CDK13: variants seen among roughly 807,000 people sequenced by gnomAD.
The protein encoded by CDK13 is cyclin dependent kinase 13.
In CDK13, 40 loss-of-function variants were observed where a neutral mutation model predicts 137.6. The ratio of observed to expected loss-of-function variants is 0.29; its 90% CI spans 0.23 to 0.38. The LOEUF (loss-of-function observed/expected upper bound fraction) is 0.38. CDK13 is among the 10% of genes least tolerant of loss of function. CDK13 has a pLI of 1.00. For synonymous variants in CDK13, 869 were observed against 760.1 expected, an observed-to-expected ratio of 1.14 and a Z score of -2.36; for missense variants, 1,704 against 1,951.8, an observed-to-expected ratio of 0.87 and a Z score of 2.39.
At chr7:39,982,172 T>G (rs1393971981) in intron 1 of CDK13, among the ~76,000 whole-genome samples, 2 of 110,792 alleles carry the variant, frequency 1.8e-5, no homozygotes, top group East Asian at 3.1e-4. Context: ...CCCCTCCCCC[T>G]ACCCCACAAC....
intron 5 of CDK13, among the ~76,000 whole-genome samples, chr7:40,029,650 CT>C (rs59621828): frequency 0.04 from 5,902 of 146,306 alleles, 330 homozygotes; most frequent in African/African-American, 0.13. Flanking sequence ...AGAAAAGATT[CT>C]TTTTTTTTTT....
At chr7:39,951,906 AG>A in intron 1 of CDK13, 54 bp downstream of exon 1, 1 of 1,316,018 alleles carries the variant, frequency 7.6e-7, no homozygotes, top group Admixed American at 3.0e-5. Flanking sequence ...CCAGATCCCC[AG>A]GAGGAAGGGA....
At chr7:40,012,636 C>T (rs1260956660) in intron 5 of CDK13, among the ~76,000 whole-genome samples, 3 of 151,618 alleles carry the variant, frequency 2.0e-5, no homozygotes, top group Non-Finnish European at 4.4e-5. Flanking sequence ...ATCTGAAGGC[C>T]GGGTGCAGTG....
chr7:40,055,674 G>A (rs567407865), intron 7 of CDK13, among the ~76,000 whole-genome samples: 191 of 151,692 alleles, frequency 1.3e-3, no homozygotes, highest in African/African-American at 4.6e-3. Flanking sequence ...TGCCTCCTGG[G>A]TTCAAGCAAT....
intron 9 of CDK13, chr7:40,070,504 C>T (rs1344495634): frequency 6.6e-6 from 1 of 151,602 alleles, no homozygotes; most frequent in Non-Finnish European, 1.5e-5. Flanking sequence ...TACTTGAAGT[C>T]AGGAGTTTGA....
chr7:39,999,083 A>G, intron 3 of CDK13: 1 of 228,862 alleles, frequency 4.4e-6, no homozygotes, highest in Non-Finnish European at 8.4e-6. Flanking sequence ...ATTATATTTT[A>G]TTTCTGAAAA....
chr7:40,066,951 A>T (rs1221497585), intron 9 of CDK13: 4 of 145,978 alleles, frequency 2.7e-5, no homozygotes, highest in Non-Finnish European at 4.6e-5. Flanking sequence ...CTTCTAACCC[A>T]TTTTTTTTTT....
chr7:39,959,951 CTG>C (rs891335916), intron 1 of CDK13, among the ~76,000 whole-genome samples: 3 of 150,628 alleles, frequency 2.0e-5, no homozygotes, highest in Non-Finnish European at 4.4e-5. Context: ...TGATTTGTCT[CTG>C]TGTGTGTGTG....
chr7:39,957,786 T>G (rs187265482), intron 1 of CDK13, among the ~76,000 whole-genome samples: 3 of 152,198 alleles, frequency 2.0e-5, no homozygotes, highest in African/African-American at 7.2e-5. Flanking sequence ...TGAGCAGACA[T>G]TATGTCAAAC....
intron 9 of CDK13, among the ~76,000 whole-genome samples, chr7:40,075,066 A>C (rs1009408169): frequency 6.6e-6 from 1 of 152,100 alleles, no homozygotes; most frequent in Non-Finnish European, 1.5e-5. Flanking sequence ...ATGTGTAATA[A>C]AATTTTGAGG....
intron 1 of CDK13, among the ~76,000 whole-genome samples, chr7:39,963,255 A>G (rs1382745417): frequency 6.6e-6 from 1 of 152,182 alleles, no homozygotes; most frequent in African/African-American, 2.4e-5. Flanking sequence ...CCTACCCATG[A>G]GCTTGGAATG....
intron 5 of CDK13, among the ~76,000 whole-genome samples, chr7:40,011,854 G>C (rs1198570193): frequency 6.6e-6 from 1 of 152,146 alleles, no homozygotes; most frequent in African/African-American, 2.4e-5. Context: ...ACAACACTTA[G>C]AACGGGGAAG....
At chr7:40,027,519 A>G (rs945405509) in intron 5 of CDK13, among the ~76,000 whole-genome samples, 14 of 152,212 alleles carry the variant, frequency 9.2e-5, no homozygotes, top group African/African-American at 3.4e-4. Flanking sequence ...GCCACATGTT[A>G]AGACTAAAGC....
At position 40,049,269 on chromosome 7, in the gene CDK13, A is replaced by G. The variant is rs183882037; in HGVS notation, c.2600+1392A>G. 4.5e-3 allele frequency: 686 copies of G among 151,382 alleles called. 1 individual carries two copies. Among genetic ancestry groups the G allele is most frequent in the Middle Eastern group, 6.9e-3 (2 of 290 alleles). 9.4% of individuals were successfully genotyped at this position (151,382 alleles called of 1,614,324 possible). A position where few individuals can be genotyped will look rare whatever the true frequency, so the allele number is the denominator to read the frequency against. ...AGAGACAGAGAGAGAGAAAGGAAAG[A>G]AAGTGTTCTGTGGATGGGGTTTTGT... On this transcript the variant is annotated intron_variant, in intron 7 of 13. Coordinates refer to ENST00000181839, the MANE Select transcript of CDK13 (RefSeq NM_003718.5).
At chr7:40,000,880 A>G (rs1333261396) in intron 4 of CDK13, among the ~76,000 whole-genome samples, 1 of 152,216 alleles carries the variant, frequency 6.6e-6, no homozygotes, top group Non-Finnish European at 1.5e-5. Context: ...TTTTTCTTGT[A>G]ATAGGCTTCG....
chr7:40,021,112 T>TACACACACACAC (rs1415262803), intron 5 of CDK13, among the ~76,000 whole-genome samples: 19 of 88,326 alleles, frequency 2.2e-4, no homozygotes, highest in African/African-American at 8.2e-4. Context: ...CGTATATATA[T>TACACACACACAC]ATATATATAT....
In CDK13 at chr7:39,951,162, CG is replaced by C. The variant is rs1220732958; in HGVS notation, c.527del (p.Gly176AlafsTer160). 8.1e-7 allele frequency: 1 copy of C among 1,242,062 alleles called. No individual in the cohort carries two copies. The allele number at this position is 1,242,062 out of a possible 1,614,324, so 76.9% of individuals were successfully genotyped here. ...AATAATAAGGTGGSGGSPASS... is the reference protein window; with the variant it reads ...AATAATAAGGXGGSGGSPASS... The stretch of plus-strand genomic sequence containing the variant: ...ACGGCGGCGACGGCTGCCGGGGGAA[CG>C]GGGGGCAGCGGCGGGAGTCCGGCCT... On this transcript the variant is annotated frameshift_variant, in exon 1 of 14. Coordinates refer to ENST00000181839, the MANE Select transcript of CDK13 (RefSeq NM_003718.5). LOFTEE classifies it high-confidence loss of function.
At chr7:39,991,659 T>C (rs1266287260) in intron 2 of CDK13, among the ~76,000 whole-genome samples, 1 of 152,262 alleles carries the variant, frequency 6.6e-6, no homozygotes, top group Non-Finnish European at 1.5e-5. Flanking sequence ...AAAATTGAAA[T>C]AATAATACAA....
chr7:39,959,696 C>T (rs568686512), intron 1 of CDK13, among the ~76,000 whole-genome samples: 38 of 152,244 alleles, frequency 2.5e-4, no homozygotes, highest in African/African-American at 9.1e-4. Context: ...AACTCTTGAG[C>T]TCAAGCAGTC....
Sources: gnomAD v4.1 joint callset for allele counts (sites outside exome capture counted in the v4.1 genomes callset) on GRCh38, gnomAD v4.1.1 for gene constraint, MANE v1.5 for transcripts, NCBI Gene and HGNC (gene_info 2026-07-23, HGNC 2026-07-21) for gene names.